The following LAMA1 variants were observed in gnomAD, a reference collection of about 807,000 sequenced individuals.
LAMA1 encodes laminin subunit alpha-1.
Under a neutral mutation model 348.7 loss-of-function variants are expected in LAMA1, and 219 were observed. The ratio of observed to expected loss-of-function variants is 0.63; its 90% CI spans 0.56 to 0.70. LAMA1 has a LOEUF of 0.70. LAMA1 is among the 30% of genes least tolerant of loss of function. The probability of loss-of-function intolerance (pLI) is 0.00; values close to 1 mark genes in which losing one functional copy is unlikely to be tolerated. For synonymous variants in LAMA1, 1,487 were observed against 1,491.0 expected, an observed-to-expected ratio of 1.00 and a Z score of 0.06; for missense variants, 3,744 against 3,888.0, an observed-to-expected ratio of 0.96 and a Z score of 0.99.
At chr18:6,983,317 C>A in intron 39 of LAMA1, 83 bp from the exon 40 acceptor site, 1 of 1,451,052 alleles carries the variant, frequency 6.9e-7, no homozygotes, top group Non-Finnish European at 9.6e-7. Context: ...AAATGCCTAC[C>A]AGTTTTGAAA....
intron 16 of LAMA1, among the ~76,000 whole-genome samples, chr18:7,026,909 G>C (rs1358749262): frequency 1.3e-5 from 2 of 151,872 alleles, no homozygotes; most frequent in African/African-American, 4.8e-5. Flanking sequence ...AGGCAGAATG[G>C]CGTGAACCTG....
intron 3 of LAMA1, among the ~76,000 whole-genome samples, chr18:7,052,043 A>G (rs1358562872): frequency 6.6e-6 from 1 of 152,228 alleles, no homozygotes; most frequent in Non-Finnish European, 1.5e-5. Flanking sequence ...ATAGGTAAAT[A>G]GAAACACACG....
intron 30 of LAMA1, among the ~76,000 whole-genome samples, chr18:7,001,761 C>T (rs1190984509): frequency 6.6e-6 from 1 of 151,998 alleles, no homozygotes; most frequent in Non-Finnish European, 1.5e-5. Flanking sequence ...TTTCTGGTTC[C>T]CTTTTGCATT....
At chr18:6,988,328 A>C (rs1279272854) in intron 36 of LAMA1, among the ~76,000 whole-genome samples, 2 of 152,162 alleles carry the variant, frequency 1.3e-5, no homozygotes, top group Admixed American at 6.5e-5. Context: ...CTACAACACC[A>C]ATGTCCCATG....
chr18:7,063,348 T>C (rs1262603503), intron 3 of LAMA1, among the ~76,000 whole-genome samples: 1 of 152,196 alleles, frequency 6.6e-6, no homozygotes, highest in African/African-American at 2.4e-5. Flanking sequence ...TCCAAATATG[T>C]AGGATACATA....
intron 3 of LAMA1, among the ~76,000 whole-genome samples, chr18:7,077,469 T>C (rs931356330): frequency 1.3e-4 from 20 of 152,092 alleles, no homozygotes; most frequent in African/African-American, 4.6e-4. Context: ...CCTCCGAAAG[T>C]GCTGGGATTA....
intron 62 of LAMA1, 127 bp from the exon 63 acceptor site, chr18:6,942,366 G>A: frequency 1.0e-6 from 1 of 1,004,184 alleles, no homozygotes; most frequent in South Asian, 1.6e-5. Flanking sequence ...ATCAAAATTA[G>A]GAGAATATCT....
chr18:7,015,584 T>A, intron 22 of LAMA1, 138 bp downstream of exon 22: 2 of 1,028,734 alleles, frequency 1.9e-6, no homozygotes, highest in East Asian at 2.5e-5. Flanking sequence ...CTGGCCCACA[T>A]TGAGTTTTTT....
In LAMA1 at chr18:7,062,006, A is replaced by G. The variant is rs535352456; in HGVS notation, c.346-11070T>C. On this transcript the variant is annotated intron_variant, in intron 3 of 62. Transcript: ENST00000389658. Reference sequence around the variant, plus strand: ...AGGGGTGAGCAAAGGAACACTCCACATGGACACAGGACACTGGGGACAAGG... The same window carrying G: ...AGGGGTGAGCAAAGGAACACTCCACGTGGACACAGGACACTGGGGACAAGG... Among the ~76,000 whole-genome samples the G allele has an allele frequency of 5.9e-5, 9 of 152,346 alleles. No homozygotes were observed. The East Asian group carries it at 1.5e-3, about 26-fold the overall frequency.
intron 1 of LAMA1, among the ~76,000 whole-genome samples, chr18:7,104,451 G>C: frequency 6.6e-6 from 1 of 152,166 alleles, no homozygotes; most frequent in East Asian, 1.9e-4. Flanking sequence ...GAAAAATGGT[G>C]TACTGGTCAG....
At chr18:7,034,363 G>A (rs747574832) in intron 14 of LAMA1, 116 bp downstream of exon 14, 92 of 783,014 alleles carry the variant, frequency 1.2e-4, no homozygotes, top group Non-Finnish European at 1.9e-4. Context: ...AGATCCTGTA[G>A]CTGTGTCCTT....
At chr18:6,983,335 A>G (rs567496021) in intron 39 of LAMA1, 101 bp from the exon 40 acceptor site, 2 of 1,193,844 alleles carry the variant, frequency 1.7e-6, no homozygotes, top group South Asian at 2.5e-5. Context: ...AAAGCCTCCT[A>G]TCTTCTTTCC....
chr18:6,996,299 C>T (rs76364684), intron 33 of LAMA1, among the ~76,000 whole-genome samples: 6 of 152,034 alleles, frequency 3.9e-5, no homozygotes, highest in Middle Eastern at 3.2e-3. Context: ...CCCATCCCAG[C>T]GCACACATAA....
chr18:6,951,216 A>G (rs2057545216), intron 57 of LAMA1, among the ~76,000 whole-genome samples: 1 of 152,210 alleles, frequency 6.6e-6, no homozygotes, highest in African/African-American at 2.4e-5. Flanking sequence ...CCCTTTGCTC[A>G]TGAAACTAAT....
At chr18:7,027,850 G>A (rs2057951481) in intron 16 of LAMA1, among the ~76,000 whole-genome samples, 1 of 152,136 alleles carries the variant, frequency 6.6e-6, no homozygotes, top group African/African-American at 2.4e-5. Flanking sequence ...GGCTGAGGTG[G>A]GAGAATTGCA....
At position 7,021,806 on chromosome 18, in the gene LAMA1, TATTATATAATA is replaced by T. The variant is rs1321002139; in HGVS notation, c.2701+1347_2701+1357del. On this transcript the variant is annotated intron_variant, in intron 19 of 62. Transcript: ENST00000389658. ...GGAGTGAAAATATAATAATATATTA[TATTATATAATA>T]TATATTATATAATATAATAATATAT... Among the ~76,000 whole-genome samples the T allele has an allele frequency of 1.3e-3, 153 of 113,410 alleles. 2 individuals are homozygous for T. The highest frequency in any genetic ancestry group is 7.2e-3 in the African/African-American group (144 of 20,064). The allele number at this position is 113,410 out of a possible 152,430, so 74.4% of individuals were successfully genotyped here.
At position 6,976,588 on chromosome 18, in the gene LAMA1, ATATTTATTTATTTATT is replaced by A. The variant is rs66905104; in HGVS notation, c.6346-524_6346-509del. ...GCATCAAGAAGCATTCCTTGGGCTT[ATATTTATTTATTTATT>A]TATTTATTTATTTATTTATTTATTT... On this transcript the variant is annotated intron_variant, in intron 44 of 62. Transcript: ENST00000389658. Among the ~76,000 whole-genome samples, 1,242 of 148,300 alleles carry A rather than the reference ATATTTATTTATTTATT, an allele frequency of 8.4e-3. 23 individuals carry two copies. The highest frequency in any genetic ancestry group is 0.029 in the African/African-American group (1,194 of 40,680).
At chr18:7,018,979 T>C (rs12956495) in intron 19 of LAMA1, among the ~76,000 whole-genome samples, 40,379 of 151,836 alleles carry the variant, frequency 0.27, 5,722 homozygotes, top group Middle Eastern at 0.36. Context: ...CATTCACCGG[T>C]GCCCTTCAGG....
intron 3 of LAMA1, among the ~76,000 whole-genome samples, chr18:7,062,425 C>T (rs1046203083): frequency 7.9e-5 from 12 of 152,120 alleles, no homozygotes; most frequent in East Asian, 5.8e-4. Context: ...AGCCGGCGGG[C>T]GCCTGGCCAG....
Sources: allele counts gnomAD v4.1 joint callset (sites outside exome capture counted in the v4.1 genomes callset), GRCh38; gene constraint gnomAD v4.1.1; transcripts MANE v1.5; gene names NCBI Gene and HGNC (gene_info 2026-07-23, HGNC 2026-07-21).